CNTNAP2: variants seen among roughly 807,000 people sequenced by gnomAD.
CNTNAP2 encodes contactin-associated protein-like 2.
Under a neutral mutation model 155.2 loss-of-function variants are expected in CNTNAP2, and 98 were observed. That is an observed-to-expected ratio of 0.63 (90% CI 0.54 to 0.75). The LOEUF is 0.75. Among genes scored for constraint, CNTNAP2 ranks in the 30% least tolerant of loss-of-function variants. CNTNAP2 has a pLI of 0.00. For missense variants in CNTNAP2, 1,727 were observed against 1,688.1 expected (o/e 1.02, Z -0.40); for synonymous variants, 651 against 631.2 (o/e 1.03, Z -0.47).
chr7:146,367,377 C>T (rs1190019313), intron 1 of CNTNAP2, among the ~76,000 whole-genome samples: 1 of 152,034 alleles, frequency 6.6e-6, no homozygotes, highest in Non-Finnish European at 1.5e-5. Context: ...AAAAATAAAA[C>T]AAAAACATGT....
intron 1 of CNTNAP2, among the ~76,000 whole-genome samples, chr7:146,680,109 T>A (rs1800475391): frequency 6.6e-6 from 1 of 152,204 alleles, no homozygotes; most frequent in African/African-American, 2.4e-5. Context: ...TAAATAAGCA[T>A]ACCTTATTCA....
intron 9 of CNTNAP2, among the ~76,000 whole-genome samples, chr7:147,343,394 G>C (rs1011528406): frequency 2.0e-5 from 3 of 152,064 alleles, no homozygotes; most frequent in Non-Finnish European, 2.9e-5. Flanking sequence ...TCGTAAAGCT[G>C]TGTCTTCCCC....
intron 21 of CNTNAP2, among the ~76,000 whole-genome samples, chr7:148,372,637 G>A (rs1188813957): frequency 3.9e-5 from 6 of 152,158 alleles, no homozygotes; most frequent in Non-Finnish European, 2.9e-5. Context: ...GAACCCAGGA[G>A]GCAGAGGTTA....
intron 3 of CNTNAP2, among the ~76,000 whole-genome samples, chr7:146,956,170 T>G (rs1797431378): frequency 6.6e-6 from 1 of 152,146 alleles, no homozygotes; most frequent in Non-Finnish European, 1.5e-5. Context: ...GTTTGTTTTT[T>G]GTTTTATGTT....
intron 21 of CNTNAP2, among the ~76,000 whole-genome samples, chr7:148,357,281 T>C (rs548681430): frequency 1.8e-4 from 27 of 152,294 alleles, no homozygotes; most frequent in African/African-American, 6.0e-4. Context: ...TAAGATGTGA[T>C]TTTGTTCCTC....
At chr7:147,725,931 C>T (rs1167120850) in intron 13 of CNTNAP2, among the ~76,000 whole-genome samples, 1 of 151,986 alleles carries the variant, frequency 6.6e-6, no homozygotes, top group Non-Finnish European at 1.5e-5. Flanking sequence ...CTATATTCTT[C>T]CTGACTGGTG....
intron 8 of CNTNAP2, among the ~76,000 whole-genome samples, chr7:147,238,504 G>C (rs17170368): frequency 0.091 from 13,869 of 151,702 alleles, 669 homozygotes; most frequent in Middle Eastern, 0.11. Context: ...CAGGAGATAG[G>C]TTTAGTGATG....
At chr7:146,609,156 T>C (rs1412315849) in intron 1 of CNTNAP2, among the ~76,000 whole-genome samples, 7 of 152,208 alleles carry the variant, frequency 4.6e-5, no homozygotes, top group Non-Finnish European at 1.0e-4. Flanking sequence ...ATTGATCATC[T>C]AAGTTTTGCA....
chr7:146,511,462 T>G (rs1797465179), intron 1 of CNTNAP2, among the ~76,000 whole-genome samples: 1 of 152,220 alleles, frequency 6.6e-6, no homozygotes, highest in African/African-American at 2.4e-5. Flanking sequence ...GTATGTTCCT[T>G]CTATACCAAG....
At chr7:147,989,439 C>G (rs1301135081) in intron 15 of CNTNAP2, among the ~76,000 whole-genome samples, 1 of 152,148 alleles carries the variant, frequency 6.6e-6, no homozygotes, top group African/African-American at 2.4e-5. Flanking sequence ...CCTGATTGTC[C>G]CCAGTCCTTG....
At chr7:146,395,779 T>TGATAGATAGATAGATAGATA (rs1554427700) in intron 1 of CNTNAP2, among the ~76,000 whole-genome samples, 59 of 122,112 alleles carry the variant, frequency 4.8e-4, no homozygotes, top group Non-Finnish European at 8.1e-4. Context: ...GATAGACAGA[T>TGATAGATAGATAGATAGATA]GATAGATAGA....
Position 147,455,060 on chromosome 7 carries a change from G to T in CNTNAP2, c.1671-30875G>T, listed in dbSNP as rs575624322. ...TGGGAAATAATTTTCTCTAGTGATAGAAATGCTTCCCCGTCTTCAACTTTG... is the reference window on the plus strand; with the variant it reads ...TGGGAAATAATTTTCTCTAGTGATATAAATGCTTCCCCGTCTTCAACTTTG... On this transcript the variant is annotated intron_variant, in intron 10 of 23. Coordinates refer to ENST00000361727, the MANE Select transcript of CNTNAP2 (RefSeq NM_014141.6). Among the ~76,000 whole-genome samples, 5 of 152,206 alleles carry T rather than the reference G, an allele frequency of 3.3e-5. No homozygotes were observed. The South Asian group carries it at 1.0e-3, about 32-fold the overall frequency.
chr7:148,288,811 A>G (rs1236185319), intron 21 of CNTNAP2, among the ~76,000 whole-genome samples: 2 of 152,038 alleles, frequency 1.3e-5, no homozygotes, highest in South Asian at 2.1e-4. Context: ...ATAAGCCACA[A>G]TTCAATTAAA....
intron 13 of CNTNAP2, among the ~76,000 whole-genome samples, chr7:147,901,767 TG>T (rs1245756049): frequency 2.6e-5 from 4 of 152,202 alleles, no homozygotes; most frequent in Non-Finnish European, 5.9e-5. Flanking sequence ...CTGATAAAAC[TG>T]TTCTCCAATC....
At chr7:147,364,973 A>G (rs1317090785) in intron 9 of CNTNAP2, among the ~76,000 whole-genome samples, 1 of 152,212 alleles carries the variant, frequency 6.6e-6, no homozygotes, top group Non-Finnish European at 1.5e-5. Context: ...TTTTTAAGTA[A>G]AAGAACCCTT....
At chr7:147,510,929 C>T (rs1228542061) in intron 11 of CNTNAP2, among the ~76,000 whole-genome samples, 1 of 141,976 alleles carries the variant, frequency 7.0e-6, no homozygotes, top group African/African-American at 2.7e-5. Context: ...TGGATACCAC[C>T]AGTCAATCCA....
intron 1 of CNTNAP2, among the ~76,000 whole-genome samples, chr7:146,435,610 C>G (rs553667601): frequency 6.6e-6 from 1 of 152,122 alleles, no homozygotes; most frequent in Admixed American, 6.6e-5. Context: ...ACCAGTGTTT[C>G]GGAGATGTTT....
At position 147,625,768 on chromosome 7, in the gene CNTNAP2, C is replaced by T. The variant is rs1288845477; in HGVS notation, c.1898-13338C>T. On this transcript the variant is annotated intron_variant, in intron 12 of 23. Transcript: ENST00000361727. Reference sequence around the variant, plus strand: ...GGAAAACCTGAAGGATTCCCAGATCCTTTGAAAGAAGCAGCACACTACTAC... The same window carrying T: ...GGAAAACCTGAAGGATTCCCAGATCTTTTGAAAGAAGCAGCACACTACTAC... Among the ~76,000 whole-genome samples, 31 of 152,250 alleles carry T rather than the reference C, an allele frequency of 2.0e-4. 1 individual carries two copies. The highest frequency in any genetic ancestry group is 8.8e-5 in the Non-Finnish European group (6 of 68,026).
At chr7:148,352,881 T>C (rs889057167) in intron 21 of CNTNAP2, among the ~76,000 whole-genome samples, 1 of 152,198 alleles carries the variant, frequency 6.6e-6, no homozygotes, top group African/African-American at 2.4e-5. Context: ...AGCACCTCCC[T>C]TAGAACAAGT....
Sources: gnomAD v4.1 joint callset for allele counts (sites outside exome capture counted in the v4.1 genomes callset) on GRCh38, gnomAD v4.1.1 for gene constraint, MANE v1.5 for transcripts, NCBI Gene and HGNC (gene_info 2026-07-23, HGNC 2026-07-21) for gene names.